FOSL2: variants seen among roughly 807,000 people sequenced by gnomAD.
FOSL2 encodes the protein fos-related antigen 2.
In FOSL2, 3 loss-of-function variants were observed where a neutral mutation model predicts 27.7. That is an observed-to-expected ratio of 0.11 (90% CI 0.05 to 0.28). FOSL2 has a LOEUF of 0.28. Among genes scored for constraint, FOSL2 ranks in the 10% least tolerant of loss-of-function variants. FOSL2 has a pLI of 1.00. For missense variants in FOSL2, 333 were observed against 445.1 expected, an observed-to-expected ratio of 0.75 and a Z score of 2.27; for synonymous variants, 179 against 190.1, an observed-to-expected ratio of 0.94 and a Z score of 0.48.
At chr2:28,401,076 T>TG (rs1477516033) in intron 1 of FOSL2, among the ~76,000 whole-genome samples, 2 of 152,056 alleles carry the variant, frequency 1.3e-5, no homozygotes, top group Non-Finnish European at 2.9e-5. Flanking sequence ...ATTTAAAAGT[T>TG]GGGTGCTTCC....
At position 28,404,542 on chromosome 2, in the gene FOSL2, G is replaced by T. The variant is rs1396182269; in HGVS notation, c.354+184G>T. On this transcript the variant is annotated intron_variant, in intron 2 of 3. Transcript: ENST00000264716. This position sits in a 1 kb window ranked among gnomAD's most constrained non-coding sequence, Gnocchi z 4.7. ...GAGCTGGAGAGCCAAGACTCAGGCT[G>T]GCTCTGTCATCTCGCTTATGTCCCT... Among the ~76,000 whole-genome samples the T allele has an allele frequency of 6.6e-6, 1 of 152,190 alleles. No homozygotes were observed. Among genetic ancestry groups the T allele is most frequent in the Non-Finnish European group, 1.5e-5 (1 of 68,032 alleles).
chr2:28,395,997 C>G (rs1663826061), intron 1 of FOSL2, among the ~76,000 whole-genome samples: 1 of 152,164 alleles, frequency 6.6e-6, no homozygotes, highest in African/African-American at 2.4e-5. Context: ...TACTACATAC[C>G]AGATAAAACC....
intron 2 of FOSL2, among the ~76,000 whole-genome samples, chr2:28,407,632 C>T (rs184296611): frequency 1.3e-5 from 2 of 152,358 alleles, no homozygotes; most frequent in Admixed American, 6.5e-5. Context: ...CCCGTGAGAG[C>T]TGACCCAGGT....
At chr2:28,395,333 A>T (rs571915862) in intron 1 of FOSL2, among the ~76,000 whole-genome samples, 49 of 152,320 alleles carry the variant, frequency 3.2e-4, no homozygotes, top group African/African-American at 1.2e-3. Context: ...CCTCCCTGAA[A>T]TCAGGAAGGG....
intron 2 of FOSL2, among the ~76,000 whole-genome samples, chr2:28,407,187 A>AG (rs1307820768): frequency 1.3e-5 from 2 of 152,136 alleles, no homozygotes; most frequent in Admixed American, 1.3e-4. Flanking sequence ...CGAGGGATCT[A>AG]GGGGGCTTCC....
At chr2:28,410,348 G>A (rs1194076023) in intron 3 of FOSL2, 4 of 155,724 alleles carry the variant, frequency 2.6e-5, no homozygotes, top group Non-Finnish European at 5.6e-5. Context: ...GAATAGCCCT[G>A]CCCCCTGAGG....
In FOSL2 at chr2:28,412,436, G is replaced by T. The variant is rs746495767; in HGVS notation, c.969G>T (p.Leu323=). ...QSSDSLNSPT[L]LAL is the part of the protein sequence containing the mutation. ...CAGACTCCTTGAACTCCCCCACTCT[G>T]CTGGCTCTGTAACCCAGTGCACCTC... The change falls in exon 4 of 4, where the codon CTG becomes CTT. Residue 323 remains leucine, a synonymous_variant. Transcript: ENST00000264716. This position sits in a 1 kb window ranked among gnomAD's most constrained non-coding sequence, Gnocchi z 7.1. 3.8e-6 allele frequency: 6 copies of T among 1,599,568 alleles called. No individual in the cohort carries two copies. The African/African-American group carries it at 8.0e-5, about 21-fold the overall frequency.
At chr2:28,396,520 C>G (rs1171985835) in intron 1 of FOSL2, among the ~76,000 whole-genome samples, 1 of 151,956 alleles carries the variant, frequency 6.6e-6, no homozygotes, top group Non-Finnish European at 1.5e-5. Context: ...CAGATATATG[C>G]CCTGCCTGGC....
intron 1 of FOSL2, among the ~76,000 whole-genome samples, chr2:28,402,348 G>C (rs774600466): frequency 4.6e-5 from 7 of 152,260 alleles, no homozygotes; most frequent in Non-Finnish European, 8.8e-5. Flanking sequence ...CCCCGAGGTG[G>C]TCTGGTTGAT....
At chr2:28,411,834 C>T in intron 3 of FOSL2, 96 bp from the exon 4 acceptor site, 1 of 1,375,214 alleles carries the variant, frequency 7.3e-7, no homozygotes, top group South Asian at 1.2e-5. Flanking sequence ...AGCCTCTGCT[C>T]TCACAGTGTC....
At chr2:28,409,750 A>AT (rs1265623404) in intron 3 of FOSL2, among the ~76,000 whole-genome samples, 3 of 151,904 alleles carry the variant, frequency 2.0e-5, no homozygotes, top group Admixed American at 6.6e-5. Context: ...TGTTATTATA[A>AT]TTTTTTTGAG....
At chr2:28,400,621 T>C (rs58689207) in intron 1 of FOSL2, among the ~76,000 whole-genome samples, 2,652 of 152,310 alleles carry the variant, frequency 0.017, 59 homozygotes, top group African/African-American at 0.06. Flanking sequence ...CAGTGTATTA[T>C]CCAGATGGCT....
intron 3 of FOSL2, among the ~76,000 whole-genome samples, chr2:28,411,320 G>A (rs1364595119): frequency 7.2e-5 from 11 of 152,160 alleles, no homozygotes; most frequent in African/African-American, 1.4e-4. Flanking sequence ...AGGGCTTAGC[G>A]TTTATCCATC....
At chr2:28,395,242 CATAAT>C (rs1663789524) in intron 1 of FOSL2, among the ~76,000 whole-genome samples, 1 of 152,228 alleles carries the variant, frequency 6.6e-6, no homozygotes, top group Non-Finnish European at 1.5e-5. Context: ...TGAATGTAAA[CATAAT>C]GAGGGAATAG....
Position 28,408,086 on chromosome 2 carries a change from T to C in FOSL2, c.355-673T>C, listed in dbSNP as rs1010149875. ...GCTGGGGGCTCCTCTTCCTTTTGCA[T>C]GTCCTGTCCAACTTAGCACTGTACC... On this transcript the variant is annotated intron_variant, in intron 2 of 3. Coordinates refer to ENST00000264716, the MANE Select transcript of FOSL2 (RefSeq NM_005253.4). This position sits in a 1 kb window ranked among gnomAD's most constrained non-coding sequence, Gnocchi z 4.1. Among the ~76,000 whole-genome samples, 10 of 152,192 alleles carry C rather than the reference T, an allele frequency of 6.6e-5. No homozygotes were observed. The highest frequency in any genetic ancestry group is 1.5e-4 in the Non-Finnish European group (10 of 68,038).
chr2:28,394,151 ACCC>A (rs1325010034), intron 1 of FOSL2, among the ~76,000 whole-genome samples: 2 of 61,078 alleles, frequency 3.3e-5, no homozygotes, highest in Admixed American at 1.8e-4. Flanking sequence ...CCCCCCCCCC[ACCC>A]CTGCCCCGCG....
rs748495222 is a variant in FOSL2, at chr2:28,404,340, CAGG to C, written c.342_344del (p.Arg115del). 3.7e-6 allele frequency: 6 copies of C among 1,614,120 alleles called. No individual in the cohort carries two copies. Among genetic ancestry groups the C allele is most frequent in the South Asian group, 1.1e-5 (1 of 91,076 alleles). On this transcript the variant is annotated inframe_deletion, in exon 2 of 4. Coordinates refer to ENST00000264716, the MANE Select transcript of FOSL2 (RefSeq NM_005253.4). This position sits in a 1 kb window ranked among gnomAD's most constrained non-coding sequence, Gnocchi z 4.7. ...AGACCATTGGCACCACCGTGGGCCG[CAGG>C]AGGAGAGATGAGCAGGTACAGCTCA...
At chr2:28,402,782 T>G (rs190361490) in intron 1 of FOSL2, among the ~76,000 whole-genome samples, 1 of 152,334 alleles carries the variant, frequency 6.6e-6, no homozygotes, top group Admixed American at 6.5e-5. Context: ...GTTCAGGGGC[T>G]CTGGCCTCTT....
rs1433755842 is a variant in FOSL2, at chr2:28,412,225, G to A, written c.758G>A (p.Gly253Glu). The A allele has an allele frequency of 6.2e-7, 1 of 1,613,754 alleles. No individual in the cohort carries two copies. The change falls in exon 4 of 4, where the codon GGG becomes GAG. Residue 253 changes from glycine (G) to glutamate (E), a missense_variant. Physicochemically the swap from Gly to Glu is moderately conservative, Grantham distance 98. Coordinates refer to ENST00000264716, the MANE Select transcript of FOSL2 (RefSeq NM_005253.4). The surrounding 1 kb of genome is among the most constrained non-coding windows in gnomAD (Gnocchi z 7.1). ...GTCATCAAGCCCATCAGCATTGCTGGGGGCTTCTACGGTGAGGAGCCCCTG... is the reference window on the plus strand; with the variant it reads ...GTCATCAAGCCCATCAGCATTGCTGAGGGCTTCTACGGTGAGGAGCCCCTG... Reference protein sequence around the residue: ...RSVIKPISIAGGFYGEEPLHT... With the variant: ...RSVIKPISIAEGFYGEEPLHT...
Sources: allele counts gnomAD v4.1 joint callset (sites outside exome capture counted in the v4.1 genomes callset), GRCh38; gene constraint gnomAD v4.1.1; non-coding constraint Gnocchi (gnomAD v3.1); transcripts MANE v1.5; gene names NCBI Gene and HGNC (gene_info 2026-07-23, HGNC 2026-07-21).